NINL: variants seen among roughly 807,000 people sequenced by gnomAD.
The protein encoded by NINL is ninein-like protein.
NINL carries 153 observed loss-of-function variants against 160.3 expected under a neutral mutation model. The ratio of observed to expected loss-of-function variants is 0.95; its 90% CI spans 0.84 to 1.09. The LOEUF is 1.09. NINL is among the 50% of genes least tolerant of loss of function. The pLI is 0.00. For synonymous variants in NINL, 800 were observed against 734.8 expected (o/e 1.09, Z -1.43); for missense variants, 1,829 against 1,764.0 (o/e 1.04, Z -0.66).
In NINL at chr20:25,580,981, C is replaced by T. The variant is rs536998264; in HGVS notation, c.-12+4474G>A. ...GAATGGAACAGCAAAGTGGCCACAG[C>T]GCTGGAAATGCCTTCCAGGGCAGAG... On this transcript the variant is annotated intron_variant, in intron 1 of 23. Coordinates refer to ENST00000278886, the MANE Select transcript of NINL (RefSeq NM_025176.6). Among the ~76,000 whole-genome samples, 7 of 152,360 alleles carry T rather than the reference C, an allele frequency of 4.6e-5. No individual in the cohort carries two copies. The East Asian group carries it at 5.8e-4, about 13-fold the overall frequency.
chr20:25,531,731 T>C (rs1600288745), intron 1 of NINL, among the ~76,000 whole-genome samples: 4 of 152,296 alleles, frequency 2.6e-5, no homozygotes, highest in African/African-American at 9.6e-5. Flanking sequence ...CCAAAAGCTG[T>C]GCCTTTGGGA....
At position 25,480,071 on chromosome 20, in the gene NINL, C is replaced by T. The variant is rs558831024; in HGVS notation, c.1917+90G>A. 24 of 896,152 alleles carry T rather than the reference C, an allele frequency of 2.7e-5. No homozygotes were observed. The Admixed American group carries it at 3.1e-4, about 11-fold the overall frequency. 55.5% of individuals were successfully genotyped at this position (896,152 alleles called of 1,614,324 possible). A position where few individuals can be genotyped will look rare whatever the true frequency, so the allele number is the denominator to read the frequency against. ...ATGAGACAAAGGATTCCAGGGCAGA[C>T]GCATGTGGAAATGTCAGCGTGCCCA... is the stretch of plus-strand genomic sequence containing the variant. On this transcript the variant is annotated intron_variant, in intron 15 of 23. Transcript: ENST00000278886.
intron 8 of NINL, 64 bp from the exon 9 acceptor site, chr20:25,498,410 G>T: frequency 6.3e-7 from 1 of 1,589,698 alleles, no homozygotes. Context: ...ACACCTCTTT[G>T]CTCCCTCCCT....
At position 25,504,110 on chromosome 20, in the gene NINL, C is replaced by A; in HGVS notation, c.709-6G>T. On this transcript the variant is annotated splice_region_variant and splice_polypyrimidine_tract_variant and intron_variant, in intron 6 of 23. Transcript: ENST00000278886. Reference sequence around the variant, plus strand: ...TTAAACAGGTCTTCGAGTTCCTAAACAAAAGCCGTCATATCTCAGGCCCAC... The same window carrying A: ...TTAAACAGGTCTTCGAGTTCCTAAAAAAAAGCCGTCATATCTCAGGCCCAC... The A allele has an allele frequency of 6.4e-7, 1 of 1,557,188 alleles. No individual in the cohort carries two copies.
intron 10 of NINL, among the ~76,000 whole-genome samples, chr20:25,492,209 C>T (rs1171011545): frequency 1.3e-5 from 2 of 152,074 alleles, no homozygotes; most frequent in Non-Finnish European, 2.9e-5. Flanking sequence ...TTAATCTTGG[C>T]TTAGAACTTT....
chr20:25,563,272 A>T (rs543518229), intron 1 of NINL, among the ~76,000 whole-genome samples: 41 of 152,376 alleles, frequency 2.7e-4, no homozygotes, highest in African/African-American at 9.4e-4. Flanking sequence ...CTAGATCTAC[A>T]GCATAATGTG....
chr20:25,543,964 T>C lies in NINL; in HGVS notation c.-11-17366A>G, dbSNP rs539669097. On this transcript the variant is annotated intron_variant, in intron 1 of 23. Coordinates refer to ENST00000278886, the MANE Select transcript of NINL (RefSeq NM_025176.6). Reference sequence around the variant, plus strand: ...GAGCCACCGCGCCTGGCCTAATTTTTATATATAATGTAAGGTAAGAGTCCA... The same window carrying C: ...GAGCCACCGCGCCTGGCCTAATTTTCATATATAATGTAAGGTAAGAGTCCA... Among the ~76,000 whole-genome samples the C allele has an allele frequency of 8.4e-5, 11 of 130,826 alleles. 1 individual carries two copies. The highest frequency in any genetic ancestry group is 2.8e-4 in the African/African-American group (8 of 28,556). 85.8% of individuals were successfully genotyped at this position (130,826 alleles called of 152,430 possible).
Position 25,491,463 on chromosome 20 carries a change from C to A in NINL, c.1373G>T (p.Arg458Leu), listed in dbSNP as rs189239829. The A allele has an allele frequency of 1.1e-5, 18 of 1,614,066 alleles. No individual in the cohort carries two copies. The East Asian group carries it at 4.0e-4, about 36-fold the overall frequency. ...GTGGGCCTGCTCCCAGAACAGCTCT[C>A]GCTCCGCCTCCACCTCAGACCGCAG... Reference protein sequence around the residue: ...SLLRSEVEAERELFWEQAHRQ... With the variant: ...SLLRSEVEAELELFWEQAHRQ... Residue 458 changes from arginine to leucine, a missense_variant, in exon 11 of 24, where the codon CGA becomes CTA. By Grantham distance (102) the Arg-to-Leu change is moderately radical. Coordinates refer to ENST00000278886, the MANE Select transcript of NINL (RefSeq NM_025176.6).
intron 1 of NINL, among the ~76,000 whole-genome samples, chr20:25,559,243 C>G (rs1437211241): frequency 6.6e-6 from 1 of 152,032 alleles, no homozygotes; most frequent in African/African-American, 2.4e-5. Context: ...AGAGGAAGGC[C>G]TTTTTCTTTT....
At position 25,504,110 on chromosome 20, in the gene NINL, C is replaced by T. The variant is rs1348499718; in HGVS notation, c.709-6G>A. 2.6e-6 allele frequency: 4 copies of T among 1,557,188 alleles called. No individual in the cohort carries two copies. The highest frequency in any genetic ancestry group is 3.5e-6 in the Non-Finnish European group (4 of 1,152,674). On this transcript the variant is annotated splice_region_variant and splice_polypyrimidine_tract_variant and intron_variant, in intron 6 of 23. Transcript: ENST00000278886. ...TTAAACAGGTCTTCGAGTTCCTAAA[C>T]AAAAGCCGTCATATCTCAGGCCCAC... is the stretch of plus-strand genomic sequence containing the variant.
intron 2 of NINL, among the ~76,000 whole-genome samples, chr20:25,524,931 G>GTATATATATA (rs59291392): frequency 4.1e-5 from 6 of 146,470 alleles, no homozygotes; most frequent in African/African-American, 1.5e-4. Context: ...ATATGTGTGT[G>GTATATATATA]TATATATATA....
intron 7 of NINL, among the ~76,000 whole-genome samples, chr20:25,502,907 TC>T (rs2063895763): frequency 6.6e-6 from 1 of 152,214 alleles, no homozygotes; most frequent in Non-Finnish European, 1.5e-5. Context: ...AAACCTCTTT[TC>T]TTTATAAATT....
chr20:25,510,754 C>T lies in NINL; in HGVS notation c.451-14G>A. On this transcript the variant is annotated splice_polypyrimidine_tract_variant and intron_variant, in intron 4 of 23. Transcript: ENST00000278886. ...TGACTTGGGACTCTGTAGAAAGATG[C>T]AGAGAGAAGGCTGTGAGTTCCAGGG... 2 of 1,606,462 alleles carry T rather than the reference C, an allele frequency of 1.2e-6. No individual in the cohort carries two copies. The highest frequency in any genetic ancestry group is 2.7e-5 in the African/African-American group (2 of 74,800).
intron 12 of NINL, 47 bp downstream of exon 12, chr20:25,489,828 C>G (rs781542653): frequency 6.4e-7 from 1 of 1,558,774 alleles, no homozygotes; most frequent in Admixed American, 1.7e-5. Context: ...CCACTCTGCC[C>G]AGCAGGCCCT....
rs530288607 is a variant in NINL, at chr20:25,529,491, T to C, written c.-11-2893A>G. 2.8e-5 allele frequency among the ~76,000 whole-genome samples: 4 copies of C among 143,084 alleles called. No homozygotes were observed. In the South Asian group the frequency reaches 6.7e-4, roughly 24 times the overall value. 93.9% of individuals were successfully genotyped at this position (143,084 alleles called of 152,430 possible). ...GGCCTGCCCTATTTGCTAATCAAAT[T>C]ACTCAACCCTTCTCAGACAGGAGTA... On this transcript the variant is annotated intron_variant, in intron 1 of 23. Coordinates refer to ENST00000278886, the MANE Select transcript of NINL (RefSeq NM_025176.6).
intron 17 of NINL, 122 bp downstream of exon 17, chr20:25,475,920 AT>A (rs2063220319): frequency 4.0e-6 from 4 of 999,240 alleles, no homozygotes; most frequent in Non-Finnish European, 5.9e-6. Flanking sequence ...CACAGCCCCC[AT>A]CAGGGGCTGC....
At chr20:25,506,290 T>C (rs1001005523) in intron 5 of NINL, among the ~76,000 whole-genome samples, 1 of 152,192 alleles carries the variant, frequency 6.6e-6, no homozygotes, top group Non-Finnish European at 1.5e-5. Context: ...GGCTCTATTA[T>C]TTGTATTTAC....
intron 1 of NINL, among the ~76,000 whole-genome samples, chr20:25,546,798 A>AC (rs2064738656): frequency 6.6e-6 from 1 of 151,816 alleles, no homozygotes; most frequent in African/African-American, 2.4e-5. Flanking sequence ...CGCTTGTCAG[A>AC]CTGTGCCTCA....
intron 1 of NINL, among the ~76,000 whole-genome samples, chr20:25,551,964 G>C (rs1291611116): frequency 1.3e-5 from 2 of 152,182 alleles, no homozygotes; most frequent in East Asian, 3.8e-4. Flanking sequence ...GTCCCTGTGA[G>C]CAATTTGTGA....
Sources: gnomAD v4.1 joint callset for allele counts (sites outside exome capture counted in the v4.1 genomes callset) on GRCh38, gnomAD v4.1.1 for gene constraint, MANE v1.5 for transcripts, NCBI Gene and HGNC (gene_info 2026-07-23, HGNC 2026-07-21) for gene names.